Variants in LONRF1 observed in about 807,000 individuals in gnomAD.
LONRF1 encodes LON peptidase N-terminal domain and ring finger 1, also known as LON peptidase N-terminal domain and RING finger protein 1.
A neutral mutation model predicts 85.8 loss-of-function variants in LONRF1; 37 were observed. That is an observed-to-expected ratio of 0.43 (90% confidence interval 0.33 to 0.57). The LOEUF is 0.57. Ranked by LOEUF, LONRF1 falls within the 20% of genes least tolerant of loss-of-function variation. The pLI is 0.04. For missense variants in LONRF1, 1,036 were observed against 978.0 expected (o/e 1.06, Z -0.79); for synonymous variants, 517 against 390.1 (o/e 1.33, Z -3.83).
chr8:12,725,897 A>C lies in LONRF1; in HGVS notation c.2011-18T>G, dbSNP rs1408380933. The C allele has an allele frequency of 1.5e-5, 24 of 1,597,628 alleles. No individual in the cohort carries two copies. The highest frequency in any genetic ancestry group is 1.6e-5 in the Non-Finnish European group (19 of 1,170,626). ...TTCTCAACCTAGAAATACAATAGTC[A>C]GTAAGACTTCTGTGTCTAATCCCCC... On this transcript the variant is annotated intron_variant, in intron 10 of 11. Transcript: ENST00000398246.
chr8:12,731,106 G>C (rs1016501943), intron 8 of LONRF1, among the ~76,000 whole-genome samples: 18 of 152,094 alleles, frequency 1.2e-4, no homozygotes, highest in Admixed American at 2.0e-4. Flanking sequence ...AAACAGAAAA[G>C]GGACAACAAG....
At position 12,722,972 on chromosome 8, in the gene LONRF1, C is replaced by G; in HGVS notation, c.*124G>C. ...TGCAGAACCACATGATTCAGGAGGT[C>G]GAAGGAAAAAGAAAAGTTTCATTAA... is the stretch of plus-strand genomic sequence containing the variant. On this transcript the variant is annotated 3_prime_UTR_variant, in exon 12 of 12. Transcript: ENST00000398246. 1.1e-6 allele frequency: 1 copy of G among 922,150 alleles called. No homozygotes were observed. The highest frequency in any genetic ancestry group is 1.6e-6 in the Non-Finnish European group (1 of 617,022). 57.1% of individuals were successfully genotyped at this position (922,150 alleles called of 1,614,324 possible).
chr8:12,736,629 A>ATTTTAT, intron 6 of LONRF1, 72 bp downstream of exon 6: 1 of 1,006,540 alleles, frequency 9.9e-7, no homozygotes, highest in East Asian at 2.5e-5. Context: ...GTCTATTATT[A>ATTTTAT]CCTTTATCTA....
chr8:12,746,498 T>C (rs1180251481), intron 1 of LONRF1, among the ~76,000 whole-genome samples: 1 of 152,202 alleles, frequency 6.6e-6, no homozygotes, highest in African/African-American at 2.4e-5. Flanking sequence ...CAAGATGCTT[T>C]GCTTTGGGTC....
At chr8:12,728,810 G>A (rs1257808871) in intron 10 of LONRF1, 91 bp downstream of exon 10, 4 of 1,431,872 alleles carry the variant, frequency 2.8e-6, no homozygotes, top group Non-Finnish European at 3.9e-6. Flanking sequence ...ATAAGAACTG[G>A]TTCATGCACC....
At chr8:12,730,811 G>C (rs1364897092) in intron 8 of LONRF1, among the ~76,000 whole-genome samples, 2 of 152,150 alleles carry the variant, frequency 1.3e-5, no homozygotes, top group African/African-American at 4.8e-5. Context: ...GCTCACTGAA[G>C]ACATCTGATG....
chr8:12,735,412 C>G lies in LONRF1; in HGVS notation c.1452-12G>C, dbSNP rs746061092. On this transcript the variant is annotated splice_polypyrimidine_tract_variant and intron_variant, in intron 6 of 11. Transcript: ENST00000398246. ...GCTCAAAAAACAACCTGAAATCAAC[C>G]AAGATACATGTTAGTTTTCACATTA... 5.2e-6 allele frequency: 8 copies of G among 1,524,388 alleles called. No homozygotes were observed. In the South Asian group the frequency reaches 5.8e-5, roughly 11 times the overall value. 94.4% of individuals were successfully genotyped at this position (1,524,388 alleles called of 1,614,324 possible).
Position 12,740,940 on chromosome 8 carries a change from T to A in LONRF1, c.897A>T (p.Leu299Phe). 6.2e-6 allele frequency: 10 copies of A among 1,613,682 alleles called. No individual in the cohort carries two copies. Among genetic ancestry groups the A allele is most frequent in the Non-Finnish European group, 8.5e-6 (10 of 1,179,656 alleles). Residue 299 changes from leucine (L) to phenylalanine (F), a missense_variant, in exon 3 of 12, where the codon TTA (leucine) becomes TTT (phenylalanine). Physicochemically the swap from Leu to Phe is conservative, Grantham distance 22. Transcript: ENST00000398246. Reference protein sequence around the residue: ...LCDAGFLGDALQLFLQCLALD... With the variant: ...LCDAGFLGDAFQLFLQCLALD... ...GGGCTAAGCACTGAAGAAAGAGTTGTAAGGCATCACCTAAAAAACCAGCAT... is the reference window on the plus strand; with the variant it reads ...GGGCTAAGCACTGAAGAAAGAGTTGAAAGGCATCACCTAAAAAACCAGCAT...
At chr8:12,748,408 G>A (rs1799250304) in intron 1 of LONRF1, among the ~76,000 whole-genome samples, 1 of 152,000 alleles carries the variant, frequency 6.6e-6, no homozygotes, top group Non-Finnish European at 1.5e-5. Flanking sequence ...TGTTGCCCAG[G>A]CTGGTCTCAA....
At chr8:12,726,060 C>A (rs1798285764) in intron 10 of LONRF1, 181 bp from the exon 11 acceptor site, 1 of 524,158 alleles carries the variant, frequency 1.9e-6, no homozygotes, top group Non-Finnish European at 3.3e-6. Flanking sequence ...TAGGGCTGAC[C>A]AGACTAAAGA....
intron 2 of LONRF1, among the ~76,000 whole-genome samples, chr8:12,742,842 C>G (rs1037534796): frequency 6.6e-5 from 10 of 152,130 alleles, no homozygotes; most frequent in Non-Finnish European, 1.5e-4. Flanking sequence ...CTTCCCACTT[C>G]AGCCTCTCGA....
Position 12,729,331 on chromosome 8 carries a change from A to T in LONRF1, c.1690T>A (p.Leu564Met). 6.2e-7 allele frequency: 1 copy of T among 1,612,808 alleles called. No individual in the cohort carries two copies. The highest frequency in any genetic ancestry group is 1.1e-5 in the South Asian group (1 of 90,656). ...ACAAATATTGGAACATTCTTGGTCA[A>T]GCTAAGGGAAAAACAGTTTAATTAT... ...YDEETAELSH[L>M]TKNVPIFVCT... The change falls in exon 9 of 12, where the codon TTG becomes ATG. Residue 564 changes from leucine to methionine, a missense_variant and splice_region_variant. Physicochemically the swap from Leu to Met is conservative, Grantham distance 15. Around this residue, in one of 3 missense-constraint regions of LONRF1, gnomAD observed 265 missense variants for 301.5 expected, o/e 0.88. Coordinates refer to ENST00000398246, the MANE Select transcript of LONRF1 (RefSeq NM_152271.5).
rs780147754 is a variant in LONRF1, at chr8:12,740,939, G to C, written c.898C>G (p.Gln300Glu). ...CDAGFLGDALQLFLQCLALDE... is the reference protein window; with the variant it reads ...CDAGFLGDALELFLQCLALDE... The stretch of plus-strand genomic sequence containing the variant: ...AGGGCTAAGCACTGAAGAAAGAGTT[G>C]TAAGGCATCACCTAAAAAACCAGCA... Residue 300 changes from glutamine to glutamate, a missense_variant, in exon 3 of 12, where the codon CAA becomes GAA. Gln to Glu is a conservative substitution (Grantham distance 29, BLOSUM62 2). This residue lies in a region of LONRF1 where 742 missense variants were observed against 614.4 expected (regional missense o/e 1.21). Coordinates refer to ENST00000398246, the MANE Select transcript of LONRF1 (RefSeq NM_152271.5). The C allele has an allele frequency of 1.2e-6, 2 of 1,613,602 alleles. No homozygotes were observed. Among genetic ancestry groups the C allele is most frequent in the South Asian group, 1.1e-5 (1 of 91,084 alleles).
intron 1 of LONRF1, among the ~76,000 whole-genome samples, chr8:12,751,299 T>TTTTTTTTGTTTGTTTTTTG (rs1563160554): frequency 1.2e-5 from 1 of 84,766 alleles, no homozygotes; most frequent in African/African-American, 3.7e-5. Flanking sequence ...TTTTTATGTT[T>TTTTTTTTGTTTGTTTTTTG]TTTTTTTTTT....
intron 1 of LONRF1, among the ~76,000 whole-genome samples, chr8:12,750,596 T>A (rs1006785399): frequency 6.6e-6 from 1 of 152,252 alleles, no homozygotes; most frequent in African/African-American, 2.4e-5. Flanking sequence ...CTGTATTGTT[T>A]AAATTCAAAT....
rs1484257817 is a variant in LONRF1, at chr8:12,743,207, T to G, written c.797A>C (p.Glu266Ala). 6.2e-7 allele frequency: 1 copy of G among 1,613,276 alleles called. No individual in the cohort carries two copies. The highest frequency in any genetic ancestry group is 8.5e-7 in the Non-Finnish European group (1 of 1,179,420). The change falls in exon 2 of 12, where the codon GAA (glutamate) becomes GCA (alanine). Residue 266 changes from glutamate to alanine, a missense_variant. Transcript: ENST00000398246. Reference sequence around the variant, plus strand: ...TTGAAAAAGAACTGCATTTAAATCTTCTATGGCTGCTTTAAACTCTTGGAG... The same window carrying G: ...TTGAAAAAGAACTGCATTTAAATCTGCTATGGCTGCTTTAAACTCTTGGAG... ...AGLQEFKAAI[E>A]DLNAVLFQLP...
intron 2 of LONRF1, among the ~76,000 whole-genome samples, chr8:12,741,428 T>C (rs915269245): frequency 6.6e-6 from 1 of 152,030 alleles, no homozygotes; most frequent in Non-Finnish European, 1.5e-5. Context: ...TTCTGAATAA[T>C]TGAGGCCAAA....
chr8:12,751,294 A>ATTT (rs1554469328), intron 1 of LONRF1, among the ~76,000 whole-genome samples: 4 of 84,816 alleles, frequency 4.7e-5, no homozygotes, highest in South Asian at 1.0e-3. Context: ...TTTTATTTTT[A>ATTT]TGTTTTTTTT....
At chr8:12,733,897 G>T (rs190361444) in intron 7 of LONRF1, among the ~76,000 whole-genome samples, 36 of 152,224 alleles carry the variant, frequency 2.4e-4, no homozygotes, top group Admixed American at 1.9e-3. Flanking sequence ...TATCTTCAAA[G>T]TTGGAAACAG....
Sources: gnomAD v4.1 joint callset for allele counts (sites outside exome capture counted in the v4.1 genomes callset) on GRCh38, gnomAD v4.1.1 for gene constraint, gnomAD v4.1.1 regional missense constraint, MANE v1.5 for transcripts, NCBI Gene and HGNC (gene_info 2026-07-23, HGNC 2026-07-21) for gene names.